RBM26: variants seen among roughly 807,000 people sequenced by gnomAD.
The protein encoded by RBM26 is RNA-binding protein 26.
RBM26 carries 30 observed loss-of-function variants against 123.6 expected under a neutral mutation model. That is an observed-to-expected ratio of 0.24 (90% CI 0.18 to 0.33). RBM26 has a LOEUF of 0.33. RBM26 is among the 10% of genes least tolerant of loss of function. The pLI, the probability that RBM26 is intolerant of heterozygous loss-of-function variation, is 1.00. For synonymous variants in RBM26, 400 were observed against 404.4 expected (o/e 0.99, Z 0.13); for missense variants, 947 against 1,203.6 (o/e 0.79, Z 3.15).
chr13:79,339,756 C>G (rs2071057629), intron 18 of RBM26, among the ~76,000 whole-genome samples: 1 of 151,988 alleles, frequency 6.6e-6, no homozygotes, highest in Non-Finnish European at 1.5e-5. Flanking sequence ...TAAGAAACCC[C>G]ACAGTAAAAA....
At chr13:79,404,911 T>A (rs985573595) in intron 1 of RBM26, among the ~76,000 whole-genome samples, 1 of 152,226 alleles carries the variant, frequency 6.6e-6, no homozygotes, top group African/African-American at 2.4e-5. Flanking sequence ...AGGTACCTAA[T>A]AACTTTATTA....
intron 13 of RBM26, among the ~76,000 whole-genome samples, chr13:79,353,769 G>A (rs769390537): frequency 7.2e-5 from 11 of 152,046 alleles, no homozygotes; most frequent in Non-Finnish European, 1.0e-4. Flanking sequence ...AGCTAAGTAG[G>A]ACACTACATC....
At chr13:79,333,554 A>C (rs2069789649) in intron 20 of RBM26, among the ~76,000 whole-genome samples, 1 of 152,216 alleles carries the variant, frequency 6.6e-6, no homozygotes, top group African/African-American at 2.4e-5. Flanking sequence ...TCACTCTTTC[A>C]TTGCTTTCAT....
chr13:79,318,093 C>T (rs980836481), downstream of RBM26, among the ~76,000 whole-genome samples: 1 of 151,252 alleles, frequency 6.6e-6, no homozygotes, highest in Non-Finnish European at 1.5e-5. Context: ...GAACAAAGTG[C>T]TGTATTAAAA....
intron 1 of RBM26, among the ~76,000 whole-genome samples, chr13:79,387,359 GT>G (rs1242156865): frequency 1.3e-5 from 2 of 151,984 alleles, no homozygotes; most frequent in East Asian, 3.9e-4. Flanking sequence ...TATATTTTAA[GT>G]CCTATATTAC....
chr13:79,373,678 TA>T, intron 3 of RBM26, among the ~76,000 whole-genome samples: 1 of 66,176 alleles, frequency 1.5e-5, no homozygotes, highest in Admixed American at 2.2e-4. Flanking sequence ...TATATATTAC[TA>T]TATATAATAA....
intron 13 of RBM26, 35 bp downstream of exon 13, chr13:79,354,404 C>T: frequency 2.1e-6 from 3 of 1,446,824 alleles, no homozygotes; most frequent in Non-Finnish European, 2.8e-6. Flanking sequence ...TACTGAGAAC[C>T]TATTACGGGC....
At chr13:79,371,726 G>T in intron 4 of RBM26, 116 bp downstream of exon 4, 1 of 694,868 alleles carries the variant, frequency 1.4e-6, no homozygotes, top group South Asian at 1.8e-5. Flanking sequence ...TATTTTCCTA[G>T]ACCAATAAAA....
intron 17 of RBM26, among the ~76,000 whole-genome samples, chr13:79,341,476 G>C (rs1243450404): frequency 1.3e-5 from 2 of 151,716 alleles, no homozygotes; most frequent in Non-Finnish European, 1.5e-5. Context: ...GATTTACACA[G>C]ACTGATATGG....
rs776345304 is a variant in RBM26, at chr13:79,367,406, C to CAAAAAAAAAAAAAAAAAAAAAAA, written c.896-557_896-535dup. On this transcript the variant is annotated intron_variant, in intron 6 of 21. Coordinates refer to ENST00000438737, the MANE Select transcript of RBM26 (RefSeq NM_001366735.2). ...TGGGGTATAGGGGGAGACTCCATCTCAAAAAAAAAAAAAAAAAAAAAAAAA... is the reference window on the plus strand; with the variant it reads ...TGGGGTATAGGGGGAGACTCCATCTCAAAAAAAAAAAAAAAAAAAAAAAAAAAAAAAAAAAAAAAAAAAAAAAA... Among the ~76,000 whole-genome samples the CAAAAAAAAAAAAAAAAAAAAAAA allele has an allele frequency of 2.1e-3, 82 of 39,642 alleles. 8 individuals are homozygous for CAAAAAAAAAAAAAAAAAAAAAAA. Among genetic ancestry groups the CAAAAAAAAAAAAAAAAAAAAAAA allele is most frequent in the Middle Eastern group, 7.6e-3 (1 of 132 alleles). The allele number at this position is 39,642 out of a possible 152,430, so 26.0% of individuals were successfully genotyped here. A position where few individuals can be genotyped will look rare whatever the true frequency, so the allele number is the denominator to read the frequency against.
intron 1 of RBM26, among the ~76,000 whole-genome samples, chr13:79,384,244 G>GT (rs5805028): frequency 5.2e-5 from 7 of 133,936 alleles, no homozygotes; most frequent in Admixed American, 1.5e-4. Context: ...AGCTAATAAA[G>GT]TTTTTTTTTT....
chr13:79,384,995 T>A (rs1311131200), intron 1 of RBM26, among the ~76,000 whole-genome samples: 2 of 152,294 alleles, frequency 1.3e-5, no homozygotes, highest in East Asian at 1.9e-4. Flanking sequence ...TGTTCAGTAA[T>A]CTTGAAAAGA....
chr13:79,358,795 T>G (rs990099841), intron 10 of RBM26, among the ~76,000 whole-genome samples: 2 of 152,224 alleles, frequency 1.3e-5, no homozygotes, highest in Non-Finnish European at 2.9e-5. Flanking sequence ...AAAAATATCC[T>G]ATCTTAAAAC....
chr13:79,330,133 A>C (rs2069068305), intron 20 of RBM26, among the ~76,000 whole-genome samples: 1 of 152,216 alleles, frequency 6.6e-6, no homozygotes, highest in Non-Finnish European at 1.5e-5. Flanking sequence ...TTTCTATACT[A>C]TAAAATGTAC....
At chr13:79,322,963 GTA>G (rs1166367145) in intron 20 of RBM26, among the ~76,000 whole-genome samples, 5 of 150,566 alleles carry the variant, frequency 3.3e-5, no homozygotes, top group Non-Finnish European at 5.9e-5. Flanking sequence ...CATGTGTAAA[GTA>G]TATTATTTTC....
intron 7 of RBM26, 149 bp downstream of exon 7, chr13:79,366,484 G>T: frequency 3.7e-6 from 3 of 812,558 alleles, no homozygotes; most frequent in Non-Finnish European, 5.6e-6. Context: ...CAAAGTGGAG[G>T]TGTATTCCAA....
intron 1 of RBM26, among the ~76,000 whole-genome samples, chr13:79,386,877 C>T (rs2077538826): frequency 6.6e-6 from 1 of 151,992 alleles, no homozygotes. Context: ...AGAAATAGCA[C>T]TAAAACTAGA....
In RBM26 at chr13:79,312,370, T is replaced by C. The variant is rs747171323; in HGVS notation, c.*2600A>G. ...GAATGCTTTGCTGATACTTAAAACA[T>C]TCTATCATATGAACATTCATTAAGG... On this transcript the variant is annotated 3_prime_UTR_variant, in exon 5 of 5. Transcript: ENST00000449987. 4 of 152,034 alleles carry C rather than the reference T, an allele frequency of 2.6e-5. No individual in the cohort carries two copies. In the East Asian group the frequency reaches 7.7e-4, roughly 29 times the overall value. 9.4% of individuals were successfully genotyped at this position (152,034 alleles called of 1,614,324 possible).
intron 14 of RBM26, among the ~76,000 whole-genome samples, chr13:79,350,828 T>C (rs1046644966): frequency 5.3e-5 from 8 of 152,122 alleles, no homozygotes; most frequent in Non-Finnish European, 1.0e-4. Context: ...CCTGTAAGTA[T>C]TTTGGACCCA....
Sources: allele counts gnomAD v4.1 joint callset (sites outside exome capture counted in the v4.1 genomes callset), GRCh38; gene constraint gnomAD v4.1.1; transcripts MANE v1.5; gene names NCBI Gene and HGNC (gene_info 2026-07-23, HGNC 2026-07-21).